Variants in SDK1 observed in about 807,000 individuals in gnomAD.
The protein encoded by SDK1 is protein sidekick-1.
In SDK1, 157 loss-of-function variants were observed where a neutral mutation model predicts 245.5. The observed-to-expected ratio is 0.64, with a 90% CI of 0.56 to 0.73. SDK1 has a LOEUF of 0.73. SDK1 is among the 30% of genes least tolerant of loss of function. The pLI is 0.00. For synonymous variants in SDK1, 1,647 were observed against 1,278.5 expected, an observed-to-expected ratio of 1.29 and a Z score of -6.15; for missense variants, 3,583 against 3,002.3, an observed-to-expected ratio of 1.19 and a Z score of -4.52.
At chr7:3,435,435 A>G (rs1046841550) in intron 1 of SDK1, among the ~76,000 whole-genome samples, 2 of 146,778 alleles carry the variant, frequency 1.4e-5, no homozygotes, top group South Asian at 2.1e-4. Context: ...GGTTCAAGCA[A>G]TTATCCTGCC....
chr7:3,745,714 G>C (rs115963503), intron 4 of SDK1, among the ~76,000 whole-genome samples: 1 of 151,982 alleles, frequency 6.6e-6, no homozygotes. Flanking sequence ...TGCCCCTGCC[G>C]TTTAACATTG....
At chr7:4,221,011 C>A (rs537179916) in intron 39 of SDK1, among the ~76,000 whole-genome samples, 61 of 151,924 alleles carry the variant, frequency 4.0e-4, no homozygotes, top group Non-Finnish European at 8.5e-4. Context: ...TGGGCTCAAG[C>A]GATCCACCTA....
At chr7:3,519,682 A>G (rs928725056) in intron 1 of SDK1, among the ~76,000 whole-genome samples, 9 of 152,178 alleles carry the variant, frequency 5.9e-5, no homozygotes, top group African/African-American at 2.2e-4. Context: ...ATCCAGAGAT[A>G]CGCATAAAAA....
intron 35 of SDK1, among the ~76,000 whole-genome samples, chr7:4,189,758 G>C (rs684403): frequency 0.99 from 150,976 of 152,358 alleles, 74,804 homozygotes; most frequent in East Asian, 1. Flanking sequence ...CCACTGCACT[G>C]CAGCCATGGC....
intron 20 of SDK1, among the ~76,000 whole-genome samples, chr7:4,071,490 C>T (rs1169612072): frequency 1.3e-5 from 2 of 152,168 alleles, no homozygotes; most frequent in Non-Finnish European, 2.9e-5. Flanking sequence ...ATCTGAGAAT[C>T]GCAAGTGCTG....
chr7:3,485,855 T>A lies in SDK1; in HGVS notation c.299-133225T>A, dbSNP rs556838214. 2.0e-5 allele frequency among the ~76,000 whole-genome samples: 3 copies of A among 151,984 alleles called. No homozygotes were observed. In the South Asian group the frequency reaches 6.2e-4, roughly 32 times the overall value. On this transcript the variant is annotated intron_variant, in intron 1 of 44. Coordinates refer to ENST00000404826, the MANE Select transcript of SDK1 (RefSeq NM_152744.4). ...TGGTGGCTTTCTAAAACATCTTAGG[T>A]TTTTAAAAAATCTTATTCTTTGTCC...
intron 5 of SDK1, among the ~76,000 whole-genome samples, chr7:3,886,200 C>T (rs1426434481): frequency 1.3e-5 from 2 of 152,334 alleles, no homozygotes; most frequent in East Asian, 3.9e-4. Flanking sequence ...CAACTCCCAG[C>T]AGTCACCTTT....
chr7:3,682,490 C>T (rs114995571), intron 4 of SDK1, among the ~76,000 whole-genome samples: 3 of 8,128 alleles, frequency 3.7e-4, no homozygotes, highest in East Asian at 3.9e-3. Context: ...CGGAGGCGCT[C>T]GTATGCACTG....
At chr7:3,320,975 C>T (rs1249627330) in intron 1 of SDK1, among the ~76,000 whole-genome samples, 2 of 152,088 alleles carry the variant, frequency 1.3e-5, no homozygotes, top group South Asian at 2.1e-4. Flanking sequence ...TGCCTGTATA[C>T]TCCAGACACA....
chr7:3,464,175 A>G (rs569078217), intron 1 of SDK1, among the ~76,000 whole-genome samples: 1 of 152,312 alleles, frequency 6.6e-6, no homozygotes, highest in African/African-American at 2.4e-5. Flanking sequence ...TACATGTTCC[A>G]AGTATATGAA....
intron 5 of SDK1, among the ~76,000 whole-genome samples, chr7:3,847,487 A>G (rs1780309316): frequency 6.6e-6 from 1 of 152,264 alleles, no homozygotes; most frequent in South Asian, 2.1e-4. Flanking sequence ...GGCCATGGCC[A>G]CAAGAGTAGT....
chr7:3,983,594 A>G (rs1583723799), intron 13 of SDK1, among the ~76,000 whole-genome samples: 1 of 152,184 alleles, frequency 6.6e-6, no homozygotes, highest in Non-Finnish European at 1.5e-5. Flanking sequence ...GGAAACCAAA[A>G]CGTGTGTGAC....
intron 1 of SDK1, among the ~76,000 whole-genome samples, chr7:3,541,923 G>T (rs1262152120): frequency 6.6e-5 from 10 of 152,184 alleles, no homozygotes; most frequent in Non-Finnish European, 5.9e-5. Flanking sequence ...AGAGAAGAAG[G>T]ACTAGATATG....
intron 1 of SDK1, among the ~76,000 whole-genome samples, chr7:3,606,522 TC>T (rs1781431183): frequency 6.6e-6 from 1 of 152,130 alleles, no homozygotes. Context: ...TCATCTGTCA[TC>T]CCCCGCACTC....
At chr7:3,849,647 C>G (rs966293392) in intron 5 of SDK1, among the ~76,000 whole-genome samples, 3 of 152,052 alleles carry the variant, frequency 2.0e-5, no homozygotes, top group African/African-American at 7.2e-5. Flanking sequence ...TTAGAGCAGG[C>G]CAGAGAATTC....
intron 1 of SDK1, among the ~76,000 whole-genome samples, chr7:3,561,692 C>G (rs1241223646): frequency 1.3e-5 from 2 of 152,122 alleles, no homozygotes; most frequent in Non-Finnish European, 2.9e-5. Flanking sequence ...CTTGGCCTTC[C>G]CATTTTAACA....
chr7:3,413,838 TATC>T (rs1779283584), intron 1 of SDK1, among the ~76,000 whole-genome samples: 1 of 152,116 alleles, frequency 6.6e-6, no homozygotes, highest in African/African-American at 2.4e-5. Flanking sequence ...AAAATTAAAA[TATC>T]AGCCAGATGT....
rs538119153 is a variant in SDK1, at chr7:3,571,295, G to A, written c.299-47785G>A. Reference sequence around the variant, plus strand: ...GATTATCTTTGTTATTAAGAGAGCAGCTTTTTAATTTTTAATTTTTTTTTG... The same window carrying A: ...GATTATCTTTGTTATTAAGAGAGCAACTTTTTAATTTTTAATTTTTTTTTG... On this transcript the variant is annotated intron_variant, in intron 1 of 44. Coordinates refer to ENST00000404826, the MANE Select transcript of SDK1 (RefSeq NM_152744.4). Among the ~76,000 whole-genome samples, 24 of 152,062 alleles carry A rather than the reference G, an allele frequency of 1.6e-4. No individual in the cohort carries two copies. The South Asian group carries it at 4.8e-3, about 30-fold the overall frequency.
intron 5 of SDK1, among the ~76,000 whole-genome samples, chr7:3,844,748 C>G (rs1780236040): frequency 6.6e-6 from 1 of 152,190 alleles, no homozygotes; most frequent in Non-Finnish European, 1.5e-5. Context: ...ACTGTTTGCC[C>G]AAGGCCTTGG....
Sources: allele counts gnomAD v4.1 joint callset (sites outside exome capture counted in the v4.1 genomes callset), GRCh38; gene constraint gnomAD v4.1.1; transcripts MANE v1.5; gene names NCBI Gene and HGNC (gene_info 2026-07-23, HGNC 2026-07-21).